Variants in JARID2 observed in about 807,000 individuals in gnomAD.
JARID2 encodes the protein protein Jumonji.
A neutral mutation model predicts 125.6 loss-of-function variants in JARID2; 21 were observed. That is an observed-to-expected ratio of 0.17 (90% CI 0.12 to 0.24). JARID2 has a LOEUF of 0.24. Among genes scored for constraint, JARID2 ranks in the 10% least tolerant of loss-of-function variants. The probability of loss-of-function intolerance (pLI) is 1.00; values close to 1 mark genes in which losing one functional copy is unlikely to be tolerated. For missense variants in JARID2, 1,303 were observed against 1,639.6 expected (o/e 0.79, Z 3.55); for synonymous variants, 736 against 661.6 (o/e 1.11, Z -1.73).
intron 16 of JARID2, among the ~76,000 whole-genome samples, chr6:15,515,122 C>CT (rs1771485017): frequency 6.6e-6 from 1 of 152,138 alleles, no homozygotes; most frequent in Admixed American, 6.5e-5. Context: ...TCCTGTCTCA[C>CT]TGTAGCCTCA....
chr6:15,246,790 A>C (rs536785109), intron 1 of JARID2, among the ~76,000 whole-genome samples: 1 of 152,202 alleles, frequency 6.6e-6, no homozygotes, highest in African/African-American at 2.4e-5. Flanking sequence ...AGATACCTCA[A>C]GTGAATAAAT....
intron 3 of JARID2, among the ~76,000 whole-genome samples, chr6:15,436,718 G>T (rs1352057863): frequency 6.6e-6 from 1 of 152,014 alleles, no homozygotes; most frequent in Non-Finnish European, 1.5e-5. Flanking sequence ...CCTACCACCT[G>T]CGATGCCCTG....
At chr6:15,447,455 G>A (rs1767723385) in intron 3 of JARID2, among the ~76,000 whole-genome samples, 1 of 152,178 alleles carries the variant, frequency 6.6e-6, no homozygotes, top group Non-Finnish European at 1.5e-5. Flanking sequence ...CACCTTCTCT[G>A]GGGCTGTGTT....
intron 1 of JARID2, among the ~76,000 whole-genome samples, chr6:15,283,429 C>G (rs1048687200): frequency 1.3e-5 from 2 of 149,424 alleles, no homozygotes; most frequent in Non-Finnish European, 3.0e-5. Flanking sequence ...CAAGCTCCAC[C>G]TCCTGGGTTC....
chr6:15,435,691 T>A (rs1429779691), intron 3 of JARID2, among the ~76,000 whole-genome samples: 3 of 152,230 alleles, frequency 2.0e-5, no homozygotes, highest in Non-Finnish European at 4.4e-5. Context: ...AAATGACTCA[T>A]GATGCCATGC....
chr6:15,476,940 T>C (rs1017838076), intron 5 of JARID2, among the ~76,000 whole-genome samples: 1 of 152,354 alleles, frequency 6.6e-6, no homozygotes. Context: ...GGAATGAGTT[T>C]ACCTTGGCTT....
intron 1 of JARID2, chr6:15,369,387 C>A (rs1764086272): frequency 5.0e-6 from 2 of 396,718 alleles, no homozygotes; most frequent in Non-Finnish European, 1.0e-5. Context: ...CTATTATTTT[C>A]AAAAGTGGCA....
intron 1 of JARID2, among the ~76,000 whole-genome samples, chr6:15,278,697 G>C (rs1760633475): frequency 6.6e-6 from 1 of 152,238 alleles, no homozygotes; most frequent in Non-Finnish European, 1.5e-5. Flanking sequence ...GGGGGGACAT[G>C]CTCCCCCATC....
chr6:15,344,112 T>A (rs1197681791), intron 1 of JARID2, among the ~76,000 whole-genome samples: 1 of 135,206 alleles, frequency 7.4e-6, no homozygotes, highest in Non-Finnish European at 1.5e-5. Context: ...TGATTTTTTT[T>A]TTTTTTTTTT....
chr6:15,339,135 C>T (rs114190931), intron 1 of JARID2, among the ~76,000 whole-genome samples: 3,005 of 152,122 alleles, frequency 0.02, 43 homozygotes, highest in Non-Finnish European at 0.027. Flanking sequence ...AGACGGGAAG[C>T]GGAGACACTT....
intron 1 of JARID2, among the ~76,000 whole-genome samples, chr6:15,268,287 T>TTA (rs1760165853): frequency 6.6e-6 from 1 of 152,214 alleles, no homozygotes; most frequent in African/African-American, 2.4e-5. Flanking sequence ...GTGGATATCT[T>TTA]GCTGCTGCTA....
rs191378906 is a variant in JARID2, at chr6:15,450,170, T to A, written c.324-1836T>A. Among the ~76,000 whole-genome samples the A allele has an allele frequency of 4.0e-3, 602 of 152,290 alleles. 1 individual carries two copies. Among genetic ancestry groups the A allele is most frequent in the Non-Finnish European group, 5.7e-3 (389 of 68,026 alleles). ...TCTCTTTTACTTACTTAGTTTTTTT[T>A]ATTCGTTATTATTTTTGAGACGGAG... On this transcript the variant is annotated intron_variant, in intron 3 of 17. Coordinates refer to ENST00000341776, the MANE Select transcript of JARID2 (RefSeq NM_004973.4).
At chr6:15,462,843 A>G (rs566290058) in intron 4 of JARID2, among the ~76,000 whole-genome samples, 2 of 152,354 alleles carry the variant, frequency 1.3e-5, no homozygotes, top group South Asian at 4.1e-4. Flanking sequence ...GAAGAATCCA[A>G]TTTTATAGAA....
At chr6:15,459,704 G>A (rs1285988245) in intron 4 of JARID2, among the ~76,000 whole-genome samples, 1 of 152,220 alleles carries the variant, frequency 6.6e-6, no homozygotes, top group Non-Finnish European at 1.5e-5. Flanking sequence ...TCTAAAGAGC[G>A]TTGCTGGCCT....
chr6:15,247,212 G>A (rs1397713333), intron 1 of JARID2, among the ~76,000 whole-genome samples: 1 of 152,150 alleles, frequency 6.6e-6, no homozygotes, highest in African/African-American at 2.4e-5. Flanking sequence ...CAGTTGTAGG[G>A]GAAAAGGACA....
rs758777755 is a variant in JARID2 at position 15,462,464 on chromosome 6, C to T, written c.494-6078C>T. On this transcript the variant is annotated intron_variant, in intron 4 of 17. Transcript: ENST00000341776. ...TTTGAACAGTGCTGATACATACATA[C>T]GTAGATTGATGCACTAGGGTATTTG... Among the ~76,000 whole-genome samples, 10 of 152,306 alleles carry T rather than the reference C, an allele frequency of 6.6e-5. No individual in the cohort carries two copies. In the Middle Eastern group the frequency reaches 0.014, roughly 207 times the overall value.
At chr6:15,285,106 G>GTTTTTTTTTTTTTTTTTTTTTTTT (rs199945772) in intron 1 of JARID2, among the ~76,000 whole-genome samples, 1 of 119,460 alleles carries the variant, frequency 8.4e-6, no homozygotes, top group African/African-American at 3.3e-5. Flanking sequence ...GTCTTTCTGG[G>GTTTTTTTTTTTTTTTTTTTTTTTT]TTTTTTTTTT....
intron 3 of JARID2, among the ~76,000 whole-genome samples, chr6:15,413,309 G>A (rs991964857): frequency 3.3e-5 from 5 of 152,058 alleles, no homozygotes; most frequent in East Asian, 3.9e-4. Context: ...CACTGTGCCC[G>A]GCAGGGAAGA....
chr6:15,267,905 T>G (rs1390105785), intron 1 of JARID2, among the ~76,000 whole-genome samples: 4 of 139,184 alleles, frequency 2.9e-5, no homozygotes, highest in African/African-American at 9.8e-5. Flanking sequence ...GTTGGTTCCA[T>G]GAAGTGTACA....
Sources: allele counts gnomAD v4.1 joint callset (sites outside exome capture counted in the v4.1 genomes callset), GRCh38; gene constraint gnomAD v4.1.1; transcripts MANE v1.5; gene names NCBI Gene and HGNC (gene_info 2026-07-23, HGNC 2026-07-21).